Variants in FOXP2 observed in about 807,000 individuals in gnomAD.
The protein encoded by FOXP2 is forkhead box P2.
A neutral mutation model predicts 115.8 loss-of-function variants in FOXP2; 12 were observed. The observed-to-expected ratio is 0.10, with a 90% CI of 0.07 to 0.17. FOXP2 has a LOEUF of 0.17. FOXP2 is among the 10% of genes least tolerant of loss of function. FOXP2 has a pLI of 1.00. For synonymous variants in FOXP2, 328 were observed against 297.7 expected (o/e 1.10, Z -1.05); for missense variants, 629 against 843.5 (o/e 0.75, Z 3.15).
rs1804785317 is a variant in FOXP2 at position 114,629,731 on chromosome 7, C to A, written c.397-74C>A. The A allele has an allele frequency of 6.8e-6, 11 of 1,607,246 alleles. No individual in the cohort carries two copies. The South Asian group carries it at 1.1e-4, about 16-fold the overall frequency. On this transcript the variant is annotated intron_variant, in intron 4 of 16. Coordinates refer to ENST00000350908, the MANE Select transcript of FOXP2 (RefSeq NM_014491.4). ...AATGGATACTCTGCCATATGCCAGT[C>A]TAGAAGAGTTTAGGAGATTTATAAT...
chr7:114,422,519 T>C (rs1335260959), intron 1 of FOXP2, among the ~76,000 whole-genome samples: 1 of 151,710 alleles, frequency 6.6e-6, no homozygotes, highest in African/African-American at 2.4e-5. Flanking sequence ...GATTGATCTA[T>C]CTTTATAAAC....
chr7:114,478,223 A>G (rs1010310952), intron 2 of FOXP2, among the ~76,000 whole-genome samples: 4 of 151,912 alleles, frequency 2.6e-5, no homozygotes, highest in African/African-American at 9.7e-5. Flanking sequence ...CCACATGAGT[A>G]TGTTGAATGG....
intron 2 of FOXP2, among the ~76,000 whole-genome samples, chr7:114,391,531 G>A (rs566494804): frequency 1.3e-5 from 2 of 152,298 alleles, no homozygotes; most frequent in East Asian, 1.9e-4. Context: ...ACTAGGGTAT[G>A]GAACACATCT....
rs1314016478 is a variant in FOXP2, at chr7:114,276,080, G to A, written c.-101-11939G>A. Among the ~76,000 whole-genome samples, 7 of 152,134 alleles carry A rather than the reference G, an allele frequency of 4.6e-5. No homozygotes were observed. In the East Asian group the frequency reaches 1.3e-3, roughly 29 times the overall value. ...GATAATGTGATACTATCCCAGCGGG[G>A]TAGGCTCTGGTTAACTAGTCTCTCC... On this transcript the variant is annotated intron_variant, in intron 1 of 17. Transcript: ENST00000634411.
intron 1 of FOXP2, among the ~76,000 whole-genome samples, chr7:114,219,781 C>A (rs1258016086): frequency 1.3e-5 from 2 of 151,870 alleles, no homozygotes; most frequent in East Asian, 3.8e-4. Flanking sequence ...ATTGTCCAGC[C>A]ACAGGATCAT....
At chr7:114,247,129 A>G (rs1795304127) in intron 1 of FOXP2, among the ~76,000 whole-genome samples, 1 of 152,194 alleles carries the variant, frequency 6.6e-6, no homozygotes, top group South Asian at 2.1e-4. Context: ...CCAACTGTAT[A>G]GCTACAGCTT....
chr7:114,693,203 T>TGG lies in FOXP2; in HGVS notation c.*3279_*3280dup, dbSNP rs777898958. ...AGTATTTGGTAGAATTACCACTAACTGGGTTTTCTTTAGATAACTCAGATA... is the reference window on the plus strand; with the variant it reads ...AGTATTTGGTAGAATTACCACTAACTGGGGGTTTTCTTTAGATAACTCAGATA... On this transcript the variant is annotated 3_prime_UTR_variant, in exon 17 of 17. Coordinates refer to ENST00000350908, the MANE Select transcript of FOXP2 (RefSeq NM_014491.4). The TGG allele has an allele frequency of 2.9e-4, 132 of 452,520 alleles. 1 individual carries two copies. In the East Asian group the frequency reaches 8.6e-3, roughly 30 times the overall value. The allele number at this position is 452,520 out of a possible 1,614,324, so 28.0% of individuals were successfully genotyped here.
chr7:114,636,393 TATTA>T (rs926965711), intron 6 of FOXP2, among the ~76,000 whole-genome samples: 49 of 152,278 alleles, frequency 3.2e-4, no homozygotes, highest in African/African-American at 1.1e-3. Context: ...CAAATTCAAA[TATTA>T]AATATCAATT....
chr7:114,454,452 T>A (rs2129220804), intron 2 of FOXP2, among the ~76,000 whole-genome samples: 1 of 151,962 alleles, frequency 6.6e-6, no homozygotes, highest in South Asian at 2.1e-4. Context: ...ATTGTGGAAG[T>A]CAGTGTGGCG....
intron 2 of FOXP2, among the ~76,000 whole-genome samples, chr7:114,532,222 A>G (rs2129276048): frequency 6.6e-6 from 1 of 152,054 alleles, no homozygotes; most frequent in Middle Eastern, 3.4e-3. Flanking sequence ...TTAATATAAA[A>G]TGAAATCCGA....
At chr7:114,492,627 G>T (rs1033824938) in intron 2 of FOXP2, among the ~76,000 whole-genome samples, 1 of 152,090 alleles carries the variant, frequency 6.6e-6, no homozygotes, top group Admixed American at 6.6e-5. Context: ...GTTCTCGTTG[G>T]TGTCAAAGAA....
At chr7:114,582,165 G>C (rs1178724368) in intron 3 of FOXP2, among the ~76,000 whole-genome samples, 1 of 152,104 alleles carries the variant, frequency 6.6e-6, no homozygotes, top group Admixed American at 6.6e-5. Flanking sequence ...GATGGGAGGA[G>C]GGTGATGCCA....
intron 3 of FOXP2, among the ~76,000 whole-genome samples, chr7:114,590,226 A>G (rs1425523139): frequency 1.3e-5 from 2 of 152,214 alleles, no homozygotes; most frequent in African/African-American, 2.4e-5. Context: ...GATTCCTATC[A>G]AAGACAGTTT....
chr7:114,104,336 A>G (rs970685675), intron 1 of FOXP2, among the ~76,000 whole-genome samples: 6 of 151,970 alleles, frequency 3.9e-5, no homozygotes, highest in South Asian at 2.1e-4. Context: ...CTAAAAAATG[A>G]AAAGTGCAAA....
chr7:114,399,849 C>CT (rs1431053557), intron 2 of FOXP2, among the ~76,000 whole-genome samples: 4,098 of 131,392 alleles, frequency 0.031, 114 homozygotes, highest in Middle Eastern at 0.1. Context: ...TCATCATTTT[C>CT]TTTTTTTTTT....
chr7:114,269,139 T>C (rs957092287), intron 1 of FOXP2, among the ~76,000 whole-genome samples: 21 of 152,142 alleles, frequency 1.4e-4, no homozygotes, highest in African/African-American at 5.1e-4. Context: ...AGAGAGGTGT[T>C]GGACAAACAA....
At chr7:114,260,809 G>A (rs1795730034) in intron 1 of FOXP2, among the ~76,000 whole-genome samples, 1 of 151,872 alleles carries the variant, frequency 6.6e-6, no homozygotes, top group Admixed American at 6.6e-5. Flanking sequence ...TATCTTAGTG[G>A]TTAGAGCTGC....
In FOXP2 at chr7:114,547,126, C is replaced by T. The variant is rs115027063; in HGVS notation, c.258+12420C>T. Among the ~76,000 whole-genome samples the T allele has an allele frequency of 5.6e-3, 860 of 152,276 alleles. 6 individuals are homozygous for T. The highest frequency in any genetic ancestry group is 0.019 in the African/African-American group (797 of 41,552). ...TACCCAACTCTCTCTCATATTACTA[C>T]TTTGTCTGCTTCCGTTAGGCAGGCT... On this transcript the variant is annotated intron_variant, in intron 3 of 16. Coordinates refer to ENST00000350908, the MANE Select transcript of FOXP2 (RefSeq NM_014491.4).
intron 1 of FOXP2, among the ~76,000 whole-genome samples, chr7:114,149,329 A>C (rs1279042308): frequency 3.9e-5 from 6 of 152,016 alleles, no homozygotes; most frequent in Non-Finnish European, 8.8e-5. Context: ...TACCTCCATC[A>C]TTTGACATAA....
Sources: allele counts gnomAD v4.1 joint callset (sites outside exome capture counted in the v4.1 genomes callset), GRCh38; gene constraint gnomAD v4.1.1; transcripts MANE v1.5; gene names NCBI Gene and HGNC (gene_info 2026-07-23, HGNC 2026-07-21).